Variants in MRC2 observed in about 807,000 individuals in gnomAD.
MRC2 encodes the protein C-type mannose receptor 2.
A neutral mutation model predicts 206.2 loss-of-function variants in MRC2; 84 were observed. The observed-to-expected ratio is 0.41, with a 90% CI of 0.34 to 0.49. MRC2 has a LOEUF of 0.49. Among genes scored for constraint, MRC2 ranks in the 20% least tolerant of loss-of-function variants. The probability of loss-of-function intolerance (pLI) is 0.31; values close to 1 mark genes in which losing one functional copy is unlikely to be tolerated. For missense variants in MRC2, 1,676 were observed against 2,001.5 expected (o/e 0.84, Z 3.10); for synonymous variants, 798 against 800.0 (o/e 1.00, Z 0.04).
chr17:62,665,313 G>A lies in MRC2; in HGVS notation c.520+364G>A, dbSNP rs556322132. 2.1e-3 allele frequency among the ~76,000 whole-genome samples: 313 copies of A among 151,180 alleles called. 3 individuals are homozygous for A. The highest frequency in any genetic ancestry group is 7.1e-3 in the African/African-American group (294 of 41,142). On this transcript the variant is annotated intron_variant, in intron 2 of 29. Transcript: ENST00000303375. Reference sequence around the variant, plus strand: ...AGCTACTTGGGAGGCTGAGGAAGGAGAATCGCTTGAACCCAGGAGGCAGAG... The same window carrying A: ...AGCTACTTGGGAGGCTGAGGAAGGAAAATCGCTTGAACCCAGGAGGCAGAG...
rs2089089976 is a variant in MRC2 at position 62,690,244 on chromosome 17, C to T, written c.3831C>T (p.Cys1277=). Residue 1277 remains cysteine, a synonymous_variant, in exon 26 of 30, where the codon TGC becomes TGT. Coordinates refer to ENST00000303375, the MANE Select transcript of MRC2 (RefSeq NM_006039.5). Reference sequence around the variant, plus strand: ...CGTGGATTCCCTTCCGGGAGCACTGCTATTCTTTCCACATGGAGCTGCTGC... The same window carrying T: ...CGTGGATTCCCTTCCGGGAGCACTGTTATTCTTTCCACATGGAGCTGCTGC... ...DSAWIPFREH[C]YSFHMELLLG... 4.3e-6 allele frequency: 7 copies of T among 1,613,394 alleles called. 1 individual carries two copies. In the East Asian group the frequency reaches 1.6e-4, roughly 36 times the overall value.
rs760735064 is a variant in MRC2 at position 62,666,912 on chromosome 17, C to A, written c.973+42C>A. 26 of 1,531,808 alleles carry A rather than the reference C, an allele frequency of 1.7e-5. No individual in the cohort carries two copies. Among genetic ancestry groups the A allele is most frequent in the East Asian group, 2.3e-5 (1 of 44,268 alleles). 94.9% of individuals were successfully genotyped at this position (1,531,808 alleles called of 1,614,324 possible). ...GGGGCGCAGGGCAGCATAGGGGCCC[C>A]GCGGGCTCTTGGCCTCCCATGGACT... is the stretch of plus-strand genomic sequence containing the variant. On this transcript the variant is annotated intron_variant, in intron 5 of 29. Transcript: ENST00000303375. The surrounding 1 kb of genome is among the most constrained non-coding windows in gnomAD (Gnocchi z 5.0).
At position 62,682,220 on chromosome 17, in the gene MRC2, C is replaced by T; in HGVS notation, c.2804-15C>T. 2 of 1,560,554 alleles carry T rather than the reference C, an allele frequency of 1.3e-6. No homozygotes were observed. Among genetic ancestry groups the T allele is most frequent in the Non-Finnish European group, 1.7e-6 (2 of 1,151,162 alleles). ...CTGCCCTGGGGGTGACTGCCCTCCCCTCCCCTTTCCGCAGAGGACTGGGGG... is the reference window on the plus strand; with the variant it reads ...CTGCCCTGGGGGTGACTGCCCTCCCTTCCCCTTTCCGCAGAGGACTGGGGG... On this transcript the variant is annotated splice_polypyrimidine_tract_variant and intron_variant, in intron 19 of 29. Transcript: ENST00000303375.
In MRC2 at chr17:62,675,691, G is replaced by A; in HGVS notation, c.1570-99G>A. 1.1e-6 allele frequency: 1 copy of A among 935,870 alleles called. No homozygotes were observed. The highest frequency in any genetic ancestry group is 1.6e-5 in the African/African-American group (1 of 62,284). The allele number at this position is 935,870 out of a possible 1,614,324, so 58.0% of individuals were successfully genotyped here. A position where few individuals can be genotyped will look rare whatever the true frequency, so the allele number is the denominator to read the frequency against. On this transcript the variant is annotated intron_variant, in intron 9 of 29. Coordinates refer to ENST00000303375, the MANE Select transcript of MRC2 (RefSeq NM_006039.5). The surrounding 1 kb of genome is among the most constrained non-coding windows in gnomAD (Gnocchi z 4.1). The stretch of plus-strand genomic sequence containing the variant: ...GTCCCCTCCGTCCTGAGCACGTTCA[G>A]TGATGTCCCTGATGGCATCTCCCAC...
At chr17:62,657,805 C>T (rs1313525242) in intron 1 of MRC2, among the ~76,000 whole-genome samples, 1 of 152,158 alleles carries the variant, frequency 6.6e-6, no homozygotes, top group East Asian at 1.9e-4. Flanking sequence ...AGTTCCAGCC[C>T]AGCCTGAGCG....
In MRC2 at chr17:62,680,735, G is replaced by A. The variant is rs906983938; in HGVS notation, c.2474-65G>A. ...GCTCTGCCCCGGCCCTGCCGCGCCCGCCTCCGGGGCCTGGCGTGCAGCCTC... is the reference window on the plus strand; with the variant it reads ...GCTCTGCCCCGGCCCTGCCGCGCCCACCTCCGGGGCCTGGCGTGCAGCCTC... On this transcript the variant is annotated intron_variant, in intron 16 of 29. Transcript: ENST00000303375. This position sits in a 1 kb window ranked among gnomAD's most constrained non-coding sequence, Gnocchi z 4.8. 2.8e-6 allele frequency: 4 copies of A among 1,417,104 alleles called. No homozygotes were observed. The highest frequency in any genetic ancestry group is 3.7e-6 in the Non-Finnish European group (4 of 1,090,172). 87.8% of individuals were successfully genotyped at this position (1,417,104 alleles called of 1,614,324 possible).
At chr17:62,665,127 C>T (rs778228238) in intron 2 of MRC2, among the ~76,000 whole-genome samples, 178 bp downstream of exon 2, 3 of 152,126 alleles carry the variant, frequency 2.0e-5, no homozygotes, top group Non-Finnish European at 2.9e-5. Context: ...AGGCCAGGTG[C>T]GGTGGCTCAC....
intron 2 of MRC2, 52 bp downstream of exon 2, chr17:62,665,001 T>C: frequency 6.5e-7 from 1 of 1,534,394 alleles, no homozygotes; most frequent in South Asian, 1.2e-5. Flanking sequence ...TCCAGGGGAC[T>C]GGAGCCATGA....
intron 20 of MRC2, among the ~76,000 whole-genome samples, chr17:62,683,072 C>T (rs1349333495): frequency 6.8e-6 from 1 of 146,204 alleles, no homozygotes; most frequent in African/African-American, 2.5e-5. Flanking sequence ...TAAATAAAAC[C>T]TACTTCCATA....
intron 20 of MRC2, among the ~76,000 whole-genome samples, chr17:62,684,859 G>A (rs1428290390): frequency 6.6e-6 from 1 of 152,174 alleles, no homozygotes; most frequent in Non-Finnish European, 1.5e-5. Flanking sequence ...AACATTACAC[G>A]GCCAGGCGCT....
rs773089625 is a variant in MRC2, at chr17:62,692,137, A to G, written c.4218A>G (p.Ser1406=). ...CTGAGCAGAGCAGCTTCTCCCCATC[A>G]GGTGAGTGAAAGGCAATGCCCCCAG... is the stretch of plus-strand genomic sequence containing the variant. The part of the protein sequence containing the change: ...PRAEQSSFSP[S]ALPENPAALV... The change falls in exon 29 of 30, where the codon TCA becomes TCG. Residue 1406 remains serine (S), a splice_region_variant and synonymous_variant. Coordinates refer to ENST00000303375, the MANE Select transcript of MRC2 (RefSeq NM_006039.5). The surrounding 1 kb of genome is among the most constrained non-coding windows in gnomAD (Gnocchi z 4.2). 21 of 1,614,218 alleles carry G rather than the reference A, an allele frequency of 1.3e-5. No homozygotes were observed. Among genetic ancestry groups the G allele is most frequent in the Non-Finnish European group, 1.7e-5 (20 of 1,180,046 alleles).
In MRC2 at chr17:62,667,363, G is replaced by A. The variant is rs1225414476; in HGVS notation, c.974-27G>A. ...CACGGTGTGAGCTTCTCTCTCCGGG[G>A]GTGCTGGCGCCCTGCCCTCCCCACA... On this transcript the variant is annotated intron_variant, in intron 5 of 29. Transcript: ENST00000303375. The surrounding 1 kb of genome is among the most constrained non-coding windows in gnomAD (Gnocchi z 4.1). 2.5e-6 allele frequency: 4 copies of A among 1,571,946 alleles called. No homozygotes were observed. Among genetic ancestry groups the A allele is most frequent in the Non-Finnish European group, 2.6e-6 (3 of 1,160,378 alleles).
intron 6 of MRC2, among the ~76,000 whole-genome samples, chr17:62,668,384 AAAT>A (rs1393484343): frequency 2.7e-4 from 41 of 150,930 alleles, no homozygotes; most frequent in African/African-American, 7.5e-4. Flanking sequence ...ATAAATAAAT[AAAT>A]TTAAAAAAAA....
chr17:62,633,709 C>T (rs2088275359), intron 1 of MRC2, among the ~76,000 whole-genome samples: 1 of 149,580 alleles, frequency 6.7e-6, no homozygotes, highest in South Asian at 2.1e-4. Context: ...GGTGTCCTGG[C>T]TCATTCCTGT....
At chr17:62,676,708 A>G (rs2088897362) in intron 11 of MRC2, 177 bp downstream of exon 11, 2 of 667,606 alleles carry the variant, frequency 3.0e-6, no homozygotes, top group South Asian at 2.8e-5. Context: ...TGACTCTGCC[A>G]TCTTTTAGCT....
At chr17:62,657,303 G>A (rs2465410) in intron 1 of MRC2, among the ~76,000 whole-genome samples, 100,579 of 152,136 alleles carry the variant, frequency 0.66, 33,417 homozygotes, top group East Asian at 0.81. Flanking sequence ...CTCAGTGCCT[G>A]ATGCCCTGCT....
In MRC2 at chr17:62,680,817, C is replaced by A; in HGVS notation, c.2491C>A (p.Arg831Ser). Residue 831 changes from arginine (R) to serine (S), a missense_variant, in exon 17 of 30, where the codon CGC (arginine) becomes AGC (serine). Arg to Ser is a moderately radical substitution (Grantham distance 110). This residue lies in a region of MRC2 where 1,354 missense variants were observed against 1,636.6 expected (regional missense o/e 0.83). Transcript: ENST00000303375. This position sits in a 1 kb window ranked among gnomAD's most constrained non-coding sequence, Gnocchi z 4.8. Reference sequence around the variant, plus strand: ...TCCTGCAGGCCGACGGGAATGGCTGCGCTTCCAGGAGGCCGAGTACAAGTT... The same window carrying A: ...TCCTGCAGGCCGACGGGAATGGCTGAGCTTCCAGGAGGCCGAGTACAAGTT... ...DSPQGRREWL[R>S]FQEAEYKFFE... 2 of 1,611,076 alleles carry A rather than the reference C, an allele frequency of 1.2e-6. No individual in the cohort carries two copies. Among genetic ancestry groups the A allele is most frequent in the Non-Finnish European group, 1.7e-6 (2 of 1,179,040 alleles).
At chr17:62,681,196 G>A in intron 18 of MRC2, 67 bp downstream of exon 18, 4 of 1,562,402 alleles carry the variant, frequency 2.6e-6, no homozygotes, top group Non-Finnish European at 3.5e-6. Flanking sequence ...CACAGAGGCA[G>A]ACTTGCATTT....
intron 1 of MRC2, among the ~76,000 whole-genome samples, chr17:62,658,245 C>T (rs373649174): frequency 6.6e-6 from 1 of 152,108 alleles, no homozygotes; most frequent in Non-Finnish European, 1.5e-5. Context: ...CTCTTATGCC[C>T]GGCATTTCTC....
Sources: allele counts gnomAD v4.1 joint callset (sites outside exome capture counted in the v4.1 genomes callset), GRCh38; gene constraint gnomAD v4.1.1; regional missense constraint gnomAD v4.1.1; non-coding constraint Gnocchi (gnomAD v3.1); transcripts MANE v1.5; gene names NCBI Gene and HGNC (gene_info 2026-07-23, HGNC 2026-07-21).